METAP2: variants seen among roughly 807,000 people sequenced by gnomAD.
METAP2 encodes methionine aminopeptidase 2.
METAP2 carries 25 observed loss-of-function variants against 59.4 expected under a neutral mutation model. That is an observed-to-expected ratio of 0.42 (90% CI 0.31 to 0.59). METAP2 has a LOEUF of 0.59. METAP2 is among the 20% of genes least tolerant of loss of function. METAP2 has a pLI of 0.16. For synonymous variants in METAP2, 214 were observed against 194.1 expected, an observed-to-expected ratio of 1.10 and a Z score of -0.85; for missense variants, 366 against 581.2, an observed-to-expected ratio of 0.63 and a Z score of 3.81.
intron 7 of METAP2, among the ~76,000 whole-genome samples, chr12:95,496,747 A>ATT (rs1027891469): frequency 7.4e-6 from 1 of 135,368 alleles, no homozygotes. Context: ...ACCCACTCAA[A>ATT]TTTTTTTTTT....
At chr12:95,495,970 T>G in intron 6 of METAP2, 34 bp from the exon 7 acceptor site, 1 of 1,258,752 alleles carries the variant, frequency 7.9e-7, no homozygotes, top group South Asian at 1.3e-5. Context: ...GACTAGCTGA[T>G]AAGTAAAATT....
chr12:95,491,701 AG>A (rs905275952), intron 4 of METAP2, among the ~76,000 whole-genome samples: 24 of 151,972 alleles, frequency 1.6e-4, no homozygotes, highest in African/African-American at 5.6e-4. Flanking sequence ...TAGTAGAAAC[AG>A]GGTCTTTCTA....
chr12:95,496,102 T>A lies in METAP2; in HGVS notation c.867+4T>A. 2 of 1,533,332 alleles carry A rather than the reference T, an allele frequency of 1.3e-6. No individual in the cohort carries two copies. Among genetic ancestry groups the A allele is most frequent in the South Asian group, 2.3e-5 (2 of 87,478 alleles). 95.0% of individuals were successfully genotyped at this position (1,533,332 alleles called of 1,614,324 possible). On this transcript the variant is annotated splice_donor_region_variant and intron_variant, in intron 7 of 10. Coordinates refer to ENST00000323666, the MANE Select transcript of METAP2 (RefSeq NM_006838.4). ...TGCTACTAACACTGGAATAAAGGTA[T>A]GTGAACTGTAAGCACCATTTCATTC...
intron 2 of METAP2, among the ~76,000 whole-genome samples, chr12:95,481,819 A>G (rs1002115090): frequency 1.3e-5 from 2 of 152,226 alleles, no homozygotes; most frequent in African/African-American, 4.8e-5. Flanking sequence ...TGCTACATAC[A>G]CTAGGTATAG....
At chr12:95,492,132 T>G (rs12366325) in intron 4 of METAP2, among the ~76,000 whole-genome samples, 75 of 149,414 alleles carry the variant, frequency 5.0e-4, no homozygotes, top group African/African-American at 1.2e-3. Flanking sequence ...ATATGTGTGT[T>G]TGTGTGTGTG....
intron 4 of METAP2, among the ~76,000 whole-genome samples, chr12:95,493,178 A>G (rs1433859539): frequency 6.6e-6 from 1 of 152,130 alleles, no homozygotes; most frequent in African/African-American, 2.4e-5. Flanking sequence ...ATTCCCAGAT[A>G]CTGAATAAAA....
chr12:95,512,638 G>C (rs1277138188), intron 9 of METAP2, among the ~76,000 whole-genome samples, 163 bp from the exon 10 acceptor site: 1 of 152,136 alleles, frequency 6.6e-6, no homozygotes, highest in Non-Finnish European at 1.5e-5. Flanking sequence ...CTTGAACCTG[G>C]AAAGTGGAGG....
At chr12:95,513,384 G>A (rs1406746265) in intron 10 of METAP2, among the ~76,000 whole-genome samples, 1 of 152,000 alleles carries the variant, frequency 6.6e-6, no homozygotes, top group Non-Finnish European at 1.5e-5. Context: ...GGTCTCTAGT[G>A]GGGAATATAA....
intron 8 of METAP2, among the ~76,000 whole-genome samples, chr12:95,507,940 A>ATTTT (rs372529582): frequency 3.4e-4 from 44 of 130,222 alleles, no homozygotes; most frequent in African/African-American, 1.2e-3. Flanking sequence ...ACGCCCAGCA[A>ATTTT]TTTTTTTTTT....
chr12:95,484,616 A>T (rs1305009343), intron 3 of METAP2, among the ~76,000 whole-genome samples: 1 of 152,072 alleles, frequency 6.6e-6, no homozygotes, highest in Admixed American at 6.5e-5. Context: ...AATTCTTCTG[A>T]CAGATGTTTT....
intron 7 of METAP2, among the ~76,000 whole-genome samples, chr12:95,503,577 T>C (rs1287168254): frequency 6.6e-6 from 1 of 152,192 alleles, no homozygotes; most frequent in African/African-American, 2.4e-5. Context: ...TCTGCGCCTA[T>C]GTGACCAGAA....
chr12:95,508,661 C>T (rs980155349), intron 8 of METAP2, among the ~76,000 whole-genome samples: 3 of 151,824 alleles, frequency 2.0e-5, no homozygotes, highest in African/African-American at 7.3e-5. Context: ...TCTCTTTTTC[C>T]TTTCATTTTC....
chr12:95,512,909 C>T lies in METAP2; in HGVS notation c.1177C>T (p.Pro393Ser). 2 of 1,579,144 alleles carry T rather than the reference C, an allele frequency of 1.3e-6. No homozygotes were observed. Among genetic ancestry groups the T allele is most frequent in the Non-Finnish European group, 1.7e-6 (2 of 1,149,062 alleles). ...GAAAAATTTTGATGTTGGACATGTGCCAATAAGGTGAGAGACGAGACGATT... is the reference window on the plus strand; with the variant it reads ...GAAAAATTTTGATGTTGGACATGTGTCAATAAGGTGAGAGACGAGACGATT... ...YMKNFDVGHV[P>S]IRLPRTKHLL... The change falls in exon 10 of 11, where the codon CCA becomes TCA. Residue 393 changes from proline to serine, a missense_variant. By Grantham distance (74) the Pro-to-Ser change is moderately conservative (BLOSUM62 -1). Coordinates refer to ENST00000323666, the MANE Select transcript of METAP2 (RefSeq NM_006838.4).
chr12:95,509,435 T>G (rs1001955926), intron 8 of METAP2, among the ~76,000 whole-genome samples: 11 of 152,316 alleles, frequency 7.2e-5, no homozygotes, highest in African/African-American at 2.6e-4. Flanking sequence ...ATAATTGTTT[T>G]GAAATAATTA....
intron 1 of METAP2, among the ~76,000 whole-genome samples, chr12:95,474,661 C>T (rs918228476): frequency 6.6e-6 from 1 of 152,338 alleles, no homozygotes; most frequent in South Asian, 2.1e-4. Flanking sequence ...GAGCACAGCC[C>T]TACCATCTTT....
chr12:95,513,869 T>C lies in METAP2; in HGVS notation c.1402T>C (p.Cys468Arg). The C allele has an allele frequency of 3.7e-6, 6 of 1,614,114 alleles. No homozygotes were observed. The highest frequency in any genetic ancestry group is 5.1e-6 in the Non-Finnish European group (6 of 1,179,992). Residue 468 changes from cysteine (C) to arginine (R), a missense_variant, in exon 11 of 11, where the codon TGT becomes CGT. Coordinates refer to ENST00000323666, the MANE Select transcript of METAP2 (RefSeq NM_006838.4). Reference protein sequence around the residue: ...FEHTILLRPTCKEVVSRGDDY With the variant: ...FEHTILLRPTRKEVVSRGDDY Reference sequence around the variant, plus strand: ...ACATACCATCCTGTTGCGTCCAACATGTAAAGAAGTTGTCAGCAGAGGAGA... The same window carrying C: ...ACATACCATCCTGTTGCGTCCAACACGTAAAGAAGTTGTCAGCAGAGGAGA...
intron 5 of METAP2, among the ~76,000 whole-genome samples, chr12:95,494,669 G>A (rs574100949): frequency 1.4e-4 from 21 of 151,192 alleles, no homozygotes; most frequent in African/African-American, 4.6e-4. Flanking sequence ...AATAAGATCA[G>A]CATTTAAATT....
chr12:95,509,931 C>T (rs1328811488), intron 8 of METAP2, among the ~76,000 whole-genome samples: 2 of 151,222 alleles, frequency 1.3e-5, no homozygotes, highest in African/African-American at 2.4e-5. Flanking sequence ...CTCTGCCTCC[C>T]GGGTTCAAGT....
intron 1 of METAP2, among the ~76,000 whole-genome samples, chr12:95,475,318 A>G (rs1363390122): frequency 6.6e-6 from 1 of 152,232 alleles, no homozygotes; most frequent in Non-Finnish European, 1.5e-5. Context: ...GGAGAGTTGT[A>G]GCGTTGCTGG....
Sources: allele counts gnomAD v4.1 joint callset (sites outside exome capture counted in the v4.1 genomes callset), GRCh38; gene constraint gnomAD v4.1.1; transcripts MANE v1.5; gene names NCBI Gene and HGNC (gene_info 2026-07-23, HGNC 2026-07-21).